The following GNAL variants were observed in gnomAD, a reference collection of about 807,000 sequenced individuals.
GNAL encodes guanine nucleotide-binding protein G(olf) subunit alpha.
A neutral mutation model predicts 55.1 loss-of-function variants in GNAL; 18 were observed. That is an observed-to-expected ratio of 0.33 (90% CI 0.23 to 0.48). GNAL has a LOEUF of 0.48. Among genes scored for constraint, GNAL ranks in the 20% least tolerant of loss-of-function variants. The pLI, the probability that GNAL is intolerant of heterozygous loss-of-function variation, is 0.99. For missense variants in GNAL, 412 were observed against 614.1 expected (o/e 0.67, Z 3.48); for synonymous variants, 253 against 237.0 (o/e 1.07, Z -0.62).
At chr18:11,855,230 G>A (rs932275825) in intron 5 of GNAL, among the ~76,000 whole-genome samples, 4 of 152,118 alleles carry the variant, frequency 2.6e-5, no homozygotes, top group African/African-American at 7.2e-5. Flanking sequence ...GTGAGCCACC[G>A]CGCCCGGTCC....
intron 4 of GNAL, among the ~76,000 whole-genome samples, chr18:11,811,934 C>CT (rs1351010478): frequency 2.0e-5 from 3 of 152,172 alleles, no homozygotes; most frequent in Admixed American, 6.5e-5. Context: ...TTCTTTGAAT[C>CT]TTTTTTCCCT....
At chr18:11,816,818 G>GA (rs11310574) in intron 4 of GNAL, among the ~76,000 whole-genome samples, 9,492 of 138,012 alleles carry the variant, frequency 0.069, 467 homozygotes, top group African/African-American at 0.15. Flanking sequence ...TGTCTCGAAA[G>GA]AAAAAAAAAA....
intron 6 of GNAL, among the ~76,000 whole-genome samples, chr18:11,863,679 T>G (rs1226770468): frequency 2.0e-5 from 3 of 151,968 alleles, no homozygotes; most frequent in African/African-American, 4.8e-5. Flanking sequence ...ATCTGCCAAA[T>G]GTACCAGGGA....
intron 4 of GNAL, among the ~76,000 whole-genome samples, chr18:11,774,081 C>T (rs1568021067): frequency 6.6e-6 from 1 of 152,198 alleles, no homozygotes; most frequent in Non-Finnish European, 1.5e-5. Context: ...GTGCCTGACA[C>T]ACCTTAAACA....
chr18:11,885,409 G>A lies in GNAL; in HGVS notation c.*4274G>A. The A allele has an allele frequency of 4.2e-6, 2 of 477,104 alleles. No homozygotes were observed. The highest frequency in any genetic ancestry group is 7.5e-6 in the Non-Finnish European group (2 of 265,810). The allele number at this position is 477,104 out of a possible 1,614,324, so 29.6% of individuals were successfully genotyped here. ...ATTAAACACACACAGAGTGTAAGAG[G>A]AGAGGATACGGCCCTCCCTGAAGGA... is the stretch of plus-strand genomic sequence containing the variant. On this transcript the variant is annotated 3_prime_UTR_variant, in exon 12 of 12. Coordinates refer to ENST00000334049, the MANE Select transcript of GNAL (RefSeq NM_182978.4).
At chr18:11,806,076 A>C (rs910666203) in intron 4 of GNAL, among the ~76,000 whole-genome samples, 6 of 152,100 alleles carry the variant, frequency 3.9e-5, no homozygotes, top group Non-Finnish European at 7.3e-5. Context: ...TGTGGTTTTA[A>C]TTTGCATTTA....
At chr18:11,792,910 T>C (rs1201734290) in intron 4 of GNAL, among the ~76,000 whole-genome samples, 1 of 152,266 alleles carries the variant, frequency 6.6e-6, no homozygotes, top group African/African-American at 2.4e-5. Context: ...GGACTTGTTA[T>C]ATTATTGAAT....
chr18:11,840,627 C>A (rs1016508268), intron 5 of GNAL, among the ~76,000 whole-genome samples: 4 of 152,244 alleles, frequency 2.6e-5, no homozygotes, highest in African/African-American at 4.8e-5. Context: ...CTCAGACTTC[C>A]CTTTGTTACC....
chr18:11,798,321 G>C (rs1328612481), intron 4 of GNAL, among the ~76,000 whole-genome samples: 1 of 152,120 alleles, frequency 6.6e-6, no homozygotes, highest in African/African-American at 2.4e-5. Context: ...TCATATTCTT[G>C]GGTTAGTGTT....
At chr18:11,715,144 C>CA (rs370865689) in intron 1 of GNAL, among the ~76,000 whole-genome samples, 80 of 141,108 alleles carry the variant, frequency 5.7e-4, no homozygotes, top group East Asian at 1.5e-3. Context: ...GATCCTGTCT[C>CA]AAAAAAAAAA....
At chr18:11,755,686 A>G (rs757316270) in intron 4 of GNAL, among the ~76,000 whole-genome samples, 6 of 152,114 alleles carry the variant, frequency 3.9e-5, no homozygotes, top group Non-Finnish European at 8.8e-5. Flanking sequence ...AAAATGGAGG[A>G]GTGAGGAGTG....
chr18:11,862,474 C>G (rs1219639682), intron 6 of GNAL, 25 bp downstream of exon 6: 2 of 1,507,166 alleles, frequency 1.3e-6, no homozygotes, highest in Non-Finnish European at 1.8e-6. Context: ...GGTCCCCCAC[C>G]ACACACCAGA....
chr18:11,864,086 C>CTTTTTTTT lies in GNAL; in HGVS notation c.778-435_778-428dup, dbSNP rs3981355. 8.9e-4 allele frequency among the ~76,000 whole-genome samples: 115 copies of CTTTTTTTT among 129,044 alleles called. 2 individuals are homozygous for CTTTTTTTT. Among genetic ancestry groups the CTTTTTTTT allele is most frequent in the African/African-American group, 3.3e-3 (110 of 33,380 alleles). The allele number at this position is 129,044 out of a possible 152,430, so 84.7% of individuals were successfully genotyped here. The stretch of plus-strand genomic sequence containing the variant: ...AAAACAGAGAACATTCGTCTGAGTT[C>CTTTTTTTT]TTTTTTTTTTTTTTTTTTTGAGACG... On this transcript the variant is annotated intron_variant, in intron 6 of 11. Coordinates refer to ENST00000334049, the MANE Select transcript of GNAL (RefSeq NM_182978.4).
At chr18:11,808,467 C>A (rs1207078434) in intron 4 of GNAL, among the ~76,000 whole-genome samples, 1 of 152,162 alleles carries the variant, frequency 6.6e-6, no homozygotes, top group Non-Finnish European at 1.5e-5. Flanking sequence ...ATAAGTGTTA[C>A]CCTCATGTAA....
intron 1 of GNAL, among the ~76,000 whole-genome samples, chr18:11,715,629 G>T (rs2031945579): frequency 6.6e-6 from 1 of 152,112 alleles, no homozygotes; most frequent in Non-Finnish European, 1.5e-5. Context: ...GAAGAGCATT[G>T]GGATATGGAG....
At position 11,762,475 on chromosome 18, in the gene GNAL, AG is replaced by A. The variant is rs577119872; in HGVS notation, c.624+8532del. 1.8e-4 allele frequency among the ~76,000 whole-genome samples: 27 copies of A among 152,308 alleles called. No individual in the cohort carries two copies. The East Asian group carries it at 4.4e-3, about 25-fold the overall frequency. On this transcript the variant is annotated intron_variant, in intron 4 of 11. Coordinates refer to ENST00000334049, the MANE Select transcript of GNAL (RefSeq NM_182978.4). ...CAGGCTTAAGAAATACAGGTGTGTA[AG>A]GCTACATTTAAGGAAGTTCTTGGGG...
intron 1 of GNAL, among the ~76,000 whole-genome samples, chr18:11,743,131 A>G (rs1034380070): frequency 3.9e-5 from 6 of 152,216 alleles, no homozygotes; most frequent in African/African-American, 1.4e-4. Context: ...ACAGACAGAC[A>G]TTACTGAATT....
At chr18:11,865,587 CA>C (rs61456751) in intron 7 of GNAL, among the ~76,000 whole-genome samples, 101,021 of 123,146 alleles carry the variant, frequency 0.82, 43,052 homozygotes, top group East Asian at 0.97. Context: ...CTGTCTCTAC[CA>C]AAAAAAAAAA....
chr18:11,761,107 C>T (rs1227369244), intron 4 of GNAL, among the ~76,000 whole-genome samples: 15 of 152,150 alleles, frequency 9.9e-5, no homozygotes, highest in East Asian at 5.8e-4. Context: ...TCAGTCCACA[C>T]GGCCCCCAGG....
Sources: gnomAD v4.1 joint callset for allele counts (sites outside exome capture counted in the v4.1 genomes callset) on GRCh38, gnomAD v4.1.1 for gene constraint, MANE v1.5 for transcripts, NCBI Gene and HGNC (gene_info 2026-07-23, HGNC 2026-07-21) for gene names.